FMN1: variants seen among roughly 807,000 people sequenced by gnomAD.
FMN1 encodes formin 1, also known as formin-1.
In FMN1, 110 loss-of-function variants were observed where a neutral mutation model predicts 132.4. That is an observed-to-expected ratio of 0.83 (90% CI 0.71 to 0.97). The LOEUF is 0.97. FMN1 is among the 50% of genes least tolerant of loss of function. The probability of loss-of-function intolerance (pLI) is 0.00; values close to 1 mark genes in which losing one functional copy is unlikely to be tolerated. For missense variants in FMN1, 1,792 were observed against 1,705.3 expected (o/e 1.05, Z -0.90); for synonymous variants, 722 against 651.7 (o/e 1.11, Z -1.64).
chr15:32,954,117 GGCT>G (rs1030764615), intron 9 of FMN1, among the ~76,000 whole-genome samples: 9 of 152,122 alleles, frequency 5.9e-5, no homozygotes, highest in African/African-American at 1.9e-4. Flanking sequence ...CGAGATCTCT[GGCT>G]GCTAATTTCC....
At chr15:33,071,172 AAAC>A (rs1461125329) in intron 5 of FMN1, among the ~76,000 whole-genome samples, 1 of 152,188 alleles carries the variant, frequency 6.6e-6, no homozygotes, top group Non-Finnish European at 1.5e-5. Context: ...AACAAACAAA[AAAC>A]AACAACCTTA....
rs1480569593 is a variant in FMN1 at position 33,152,150 on chromosome 15, G to A, written c.1867+898C>T. ...AGCTCTGAAAAAGAACACATAACCT[G>A]CACAATGGCATATAAAACCCTGAGA... is the stretch of plus-strand genomic sequence containing the variant. On this transcript the variant is annotated intron_variant, in intron 4 of 20. Coordinates refer to ENST00000616417, the MANE Select transcript of FMN1 (RefSeq NM_001277313.2). Among the ~76,000 whole-genome samples, 6 of 152,122 alleles carry A rather than the reference G, an allele frequency of 3.9e-5. No individual in the cohort carries two copies. In the East Asian group the frequency reaches 1.2e-3, roughly 29 times the overall value.
intron 9 of FMN1, among the ~76,000 whole-genome samples, chr15:32,962,697 C>T (rs2030716843): frequency 6.7e-6 from 1 of 148,654 alleles, no homozygotes; most frequent in Admixed American, 6.6e-5. Context: ...TGAACAGACA[C>T]TTCTCAAAAG....
chr15:33,081,569 T>A (rs1299645184), intron 5 of FMN1, among the ~76,000 whole-genome samples: 1 of 152,166 alleles, frequency 6.6e-6, no homozygotes. Context: ...TGGATCCCAA[T>A]CCTTCTCACT....
intron 19 of FMN1, among the ~76,000 whole-genome samples, chr15:32,779,895 C>A (rs1329853672): frequency 6.6e-6 from 1 of 152,086 alleles, no homozygotes. Context: ...TCTACAAATT[C>A]AAAAATCACA....
At chr15:32,827,135 G>A (rs1191276588) in intron 17 of FMN1, among the ~76,000 whole-genome samples, 1 of 152,138 alleles carries the variant, frequency 6.6e-6, no homozygotes, top group Non-Finnish European at 1.5e-5. Context: ...TTACTGAGTG[G>A]CCTCCAGTCA....
chr15:32,982,088 GA>G (rs1365366834), intron 7 of FMN1, among the ~76,000 whole-genome samples: 3 of 152,114 alleles, frequency 2.0e-5, no homozygotes, highest in African/African-American at 7.2e-5. Context: ...GATCTGAACA[GA>G]TAATCTACCA....
intron 9 of FMN1, among the ~76,000 whole-genome samples, chr15:32,955,810 C>CGTGT (rs71682708): frequency 1.5e-4 from 23 of 150,206 alleles, no homozygotes; most frequent in South Asian, 8.4e-4. Flanking sequence ...TGTGCGTGTG[C>CGTGT]GTGTGTGTGT....
At chr15:32,835,426 C>T (rs1184454230) in intron 17 of FMN1, among the ~76,000 whole-genome samples, 1 of 152,172 alleles carries the variant, frequency 6.6e-6, no homozygotes, top group Non-Finnish European at 1.5e-5. Flanking sequence ...CGGGAAAATA[C>T]TGGATATTCT....
At chr15:32,887,330 G>A (rs184367226) in intron 16 of FMN1, among the ~76,000 whole-genome samples, 1 of 152,130 alleles carries the variant, frequency 6.6e-6, no homozygotes, top group East Asian at 1.9e-4. Flanking sequence ...TAAATCCTCC[G>A]CAGAGCTCTT....
intron 14 of FMN1, 77 bp downstream of exon 14, chr15:32,899,902 G>A (rs768143205): frequency 9.6e-5 from 136 of 1,410,200 alleles, no homozygotes; most frequent in Non-Finnish European, 1.2e-4. Context: ...GAACAATCTG[G>A]AATACGTTTT....
chr15:33,182,629 T>C (rs1965743261), intron 2 of FMN1, among the ~76,000 whole-genome samples: 1 of 152,188 alleles, frequency 6.6e-6, no homozygotes. Flanking sequence ...TGTTAGGAGT[T>C]ACATAGGGTG....
intron 3 of FMN1, among the ~76,000 whole-genome samples, chr15:33,170,431 G>T (rs1965274023): frequency 6.6e-6 from 1 of 151,904 alleles, no homozygotes; most frequent in South Asian, 2.1e-4. Context: ...GTTAAACTAG[G>T]AAGCTTCTGC....
intron 7 of FMN1, among the ~76,000 whole-genome samples, chr15:33,005,896 T>TCC (rs560633010): frequency 6.6e-6 from 1 of 152,172 alleles, no homozygotes; most frequent in Admixed American, 6.5e-5. Context: ...GATAAGGGCC[T>TCC]CCCTCCTCTC....
At chr15:32,839,908 G>A (rs1242415210) in intron 17 of FMN1, among the ~76,000 whole-genome samples, 1 of 75,428 alleles carries the variant, frequency 1.3e-5, no homozygotes, top group South Asian at 3.5e-4. Flanking sequence ...GTACACTGAA[G>A]AACTGTATAC....
chr15:33,092,984 A>G (rs1264286985), intron 4 of FMN1, among the ~76,000 whole-genome samples: 1 of 152,212 alleles, frequency 6.6e-6, no homozygotes, highest in East Asian at 1.9e-4. Flanking sequence ...TATTTACCAG[A>G]TATTGTCTTT....
chr15:32,840,017 A>G (rs1046196981), intron 17 of FMN1, among the ~76,000 whole-genome samples: 2 of 152,204 alleles, frequency 1.3e-5, no homozygotes, highest in Non-Finnish European at 2.9e-5. Flanking sequence ...GCAACATAAG[A>G]AACTAGCGTT....
intron 7 of FMN1, among the ~76,000 whole-genome samples, chr15:32,978,373 A>T (rs1370850247): frequency 6.6e-6 from 1 of 152,230 alleles, no homozygotes; most frequent in East Asian, 1.9e-4. Context: ...GGGGAACTTC[A>T]GTAATATTTT....
intron 16 of FMN1, among the ~76,000 whole-genome samples, chr15:32,875,352 T>C (rs1014650119): frequency 2.0e-5 from 3 of 151,740 alleles, no homozygotes; most frequent in African/African-American, 7.3e-5. Flanking sequence ...TAGAAAAAAC[T>C]ATGGGACACC....
Sources: gnomAD v4.1 joint callset for allele counts (sites outside exome capture counted in the v4.1 genomes callset) on GRCh38, gnomAD v4.1.1 for gene constraint, MANE v1.5 for transcripts, NCBI Gene and HGNC (gene_info 2026-07-23, HGNC 2026-07-21) for gene names.